UHMK1: variants seen among roughly 807,000 people sequenced by gnomAD.
UHMK1 encodes serine/threonine-protein kinase Kist.
A neutral mutation model predicts 44.0 loss-of-function variants in UHMK1; 18 were observed. That is an observed-to-expected ratio of 0.41 (90% CI 0.28 to 0.61). The LOEUF (loss-of-function observed/expected upper bound fraction) is 0.61, where lower values mean the gene tolerates loss of function less well. Among genes scored for constraint, UHMK1 ranks in the 20% least tolerant of loss-of-function variants. The pLI is 0.31. For synonymous variants in UHMK1, 231 were observed against 198.5 expected (o/e 1.16, Z -1.38); for missense variants, 463 against 522.5 (o/e 0.89, Z 1.11).
intron 6 of UHMK1, among the ~76,000 whole-genome samples, chr1:162,513,912 T>G (rs1054264594): frequency 2.6e-5 from 4 of 152,198 alleles, no homozygotes; most frequent in Non-Finnish European, 4.4e-5. Flanking sequence ...TACCTATCTG[T>G]TCTTTGTTGA....
rs1009480286 is a variant in UHMK1, at chr1:162,523,083, TGTA to T, written c.*537_*539del. 2 of 153,424 alleles carry T rather than the reference TGTA, an allele frequency of 1.3e-5. No individual in the cohort carries two copies. The highest frequency in any genetic ancestry group is 1.3e-4 in the Admixed American group (2 of 15,460). 9.5% of individuals were successfully genotyped at this position (153,424 alleles called of 1,614,324 possible). Reference sequence around the variant, plus strand: ...TGTGAATTTTTTCTTAAAGCAGTACTGTAGTACTGAATATTCCTTTAAAGGAAC... The same window carrying T: ...TGTGAATTTTTTCTTAAAGCAGTACTGTACTGAATATTCCTTTAAAGGAAC... On this transcript the variant is annotated 3_prime_UTR_variant, in exon 8 of 8. Coordinates refer to ENST00000489294, the MANE Select transcript of UHMK1 (RefSeq NM_175866.5).
intron 7 of UHMK1, among the ~76,000 whole-genome samples, chr1:162,520,063 G>A (rs1651998776): frequency 6.6e-6 from 1 of 152,074 alleles, no homozygotes; most frequent in Non-Finnish European, 1.5e-5. Context: ...ACCACACCTG[G>A]CTAATTTTTT....
Position 162,528,000 on chromosome 1 carries a change from A to T in UHMK1, c.*5450A>T, listed in dbSNP as rs953190972. The T allele has an allele frequency of 1.3e-5, 2 of 151,932 alleles. No homozygotes were observed. Among genetic ancestry groups the T allele is most frequent in the Non-Finnish European group, 2.9e-5 (2 of 67,920 alleles). 9.4% of individuals were successfully genotyped at this position (151,932 alleles called of 1,614,324 possible). A position where few individuals can be genotyped will look rare whatever the true frequency, so the allele number is the denominator to read the frequency against. On this transcript the variant is annotated 3_prime_UTR_variant, in exon 8 of 8. Transcript: ENST00000489294. ...CTTGTTACCATAAGCCCTTACTATCAACAAGATAATTATTTGTAATCACTT... is the reference window on the plus strand; with the variant it reads ...CTTGTTACCATAAGCCCTTACTATCTACAAGATAATTATTTGTAATCACTT...
intron 7 of UHMK1, 37 bp from the exon 8 acceptor site, chr1:162,522,367 G>GT: frequency 1.4e-5 from 22 of 1,609,908 alleles, no homozygotes; most frequent in Non-Finnish European, 1.9e-5. Flanking sequence ...AACAATCTTG[G>GT]TGGAAATGAA....
At position 162,528,054 on chromosome 1, in the gene UHMK1, C is replaced by G. The variant is rs1652310053; in HGVS notation, c.*5504C>G. ...TATCCCAGGTTGGAATTGCTTTCCC[C>G]TTCTAAGTTATCTTCCCTTAATAAT... On this transcript the variant is annotated 3_prime_UTR_variant, in exon 8 of 8. Coordinates refer to ENST00000489294, the MANE Select transcript of UHMK1 (RefSeq NM_175866.5). The G allele has an allele frequency of 6.6e-6, 1 of 151,922 alleles. No homozygotes were observed. The highest frequency in any genetic ancestry group is 2.4e-5 in the African/African-American group (1 of 41,382). 9.4% of individuals were successfully genotyped at this position (151,922 alleles called of 1,614,324 possible).
intron 4 of UHMK1, among the ~76,000 whole-genome samples, chr1:162,508,848 C>T (rs1158599307): frequency 1.3e-5 from 2 of 151,874 alleles, no homozygotes; most frequent in African/African-American, 4.8e-5. Context: ...ACTCTGTGAC[C>T]CAGGCTAGAG....
At chr1:162,516,046 C>A (rs936451444) in intron 6 of UHMK1, among the ~76,000 whole-genome samples, 9 of 151,180 alleles carry the variant, frequency 6.0e-5, no homozygotes, top group East Asian at 1.9e-4. Context: ...AAAAAAAAAA[C>A]AACAAAACTG....
intron 2 of UHMK1, 117 bp downstream of exon 2, chr1:162,500,364 C>T: frequency 1.7e-6 from 2 of 1,194,710 alleles, no homozygotes; most frequent in Non-Finnish European, 1.1e-6. Context: ...ACCTAAATTA[C>T]TGAAATGCCA....
In UHMK1 at chr1:162,522,903, T is replaced by G. The variant is rs1467323005; in HGVS notation, c.*353T>G. On this transcript the variant is annotated 3_prime_UTR_variant, in exon 8 of 8. Coordinates refer to ENST00000489294, the MANE Select transcript of UHMK1 (RefSeq NM_175866.5). ...TCATGTCTTGGTAAATACTAACAAATTTGTTAGGTTTGGTGACATCATTTA... is the reference window on the plus strand; with the variant it reads ...TCATGTCTTGGTAAATACTAACAAAGTTGTTAGGTTTGGTGACATCATTTA... The G allele has an allele frequency of 5.7e-6, 1 of 174,102 alleles. No individual in the cohort carries two copies. Among genetic ancestry groups the G allele is most frequent in the Admixed American group, 5.6e-5 (1 of 17,970 alleles). The allele number at this position is 174,102 out of a possible 1,614,324, so 10.8% of individuals were successfully genotyped here. A position where few individuals can be genotyped will look rare whatever the true frequency, so the allele number is the denominator to read the frequency against.
chr1:162,500,042 C>T lies in UHMK1; in HGVS notation c.356C>T (p.Ser119Leu), dbSNP rs146396685. 6.2e-6 allele frequency: 10 copies of T among 1,614,182 alleles called. No homozygotes were observed. Among genetic ancestry groups the T allele is most frequent in the African/African-American group, 5.3e-5 (4 of 75,038 alleles). ...LLLELLDVSV[S>L]ELLLYSSHQG... The stretch of plus-strand genomic sequence containing the variant: ...CTTGAACTCCTGGATGTCAGTGTTT[C>T]GGAATTGCTCTTATATTCCAGTCAC... The change falls in exon 2 of 8, where the codon TCG (serine) becomes TTG (leucine). Residue 119 changes from serine (S) to leucine (L), a missense_variant. Transcript: ENST00000489294.
At chr1:162,513,002 G>C (rs773257126) in intron 6 of UHMK1, 179 bp downstream of exon 6, 2 of 588,940 alleles carry the variant, frequency 3.4e-6, no homozygotes, top group Non-Finnish European at 5.7e-6. Context: ...GCCCAGGCTG[G>C]AGTGCAGTGG....
At chr1:162,502,730 GCATAGGCTCTAAAGT>G (rs1030741841) in intron 3 of UHMK1, among the ~76,000 whole-genome samples, 6 of 152,160 alleles carry the variant, frequency 3.9e-5, no homozygotes, top group Non-Finnish European at 8.8e-5. Flanking sequence ...CTGATTATGA[GCATAGGCTCTAAAGT>G]CAAGCTACTA....
Position 162,500,973 on chromosome 1 carries a change from T to C in UHMK1, c.622T>C (p.Leu208=). Residue 208 remains leucine, a synonymous_variant, in exon 3 of 8, where the codon TTG becomes CTG. Transcript: ENST00000489294. The part of the protein sequence containing the change: ...RAPEAELQNC[L]AQAGLQSDTE... ...TCCAGAAGCAGAATTGCAAAATTGC[T>C]TGGCCCAGGCTGGCCTGCAGAGTGA... 1 of 1,614,120 alleles carries C rather than the reference T, an allele frequency of 6.2e-7. No individual in the cohort carries two copies. The highest frequency in any genetic ancestry group is 8.5e-7 in the Non-Finnish European group (1 of 1,180,006).
chr1:162,512,624 A>G, intron 5 of UHMK1, 48 bp downstream of exon 5: 2 of 1,603,210 alleles, frequency 1.2e-6, no homozygotes, highest in Non-Finnish European at 1.7e-6. Flanking sequence ...TGACAGTCAT[A>G]CAAGACATCA....
At chr1:162,513,046 G>C in intron 6 of UHMK1, 1 of 395,722 alleles carries the variant, frequency 2.5e-6, no homozygotes, top group East Asian at 5.5e-5. Context: ...TCTGCCTCCT[G>C]GGTTCAAGCC....
chr1:162,507,022 T>A (rs1324591235), intron 4 of UHMK1, among the ~76,000 whole-genome samples: 2 of 152,200 alleles, frequency 1.3e-5, no homozygotes, highest in Non-Finnish European at 2.9e-5. Context: ...TTACAGTTTT[T>A]AAATATTTTT....
intron 4 of UHMK1, among the ~76,000 whole-genome samples, chr1:162,510,714 T>C (rs1301860706): frequency 5.9e-5 from 9 of 152,132 alleles, no homozygotes; most frequent in African/African-American, 2.2e-4. Flanking sequence ...ACTTATCTGT[T>C]AATAGATACT....
chr1:162,512,875 A>T (rs1448229961), intron 6 of UHMK1, 52 bp downstream of exon 6: 3 of 1,487,990 alleles, frequency 2.0e-6, no homozygotes, highest in Non-Finnish European at 2.8e-6. Flanking sequence ...ATAAGTCTAG[A>T]ATAAACATAT....
At chr1:162,517,517 CAT>C (rs1208976192) in intron 6 of UHMK1, among the ~76,000 whole-genome samples, 3 of 151,946 alleles carry the variant, frequency 2.0e-5, no homozygotes, top group Admixed American at 2.0e-4. Flanking sequence ...TCTTAAAGGA[CAT>C]ATTTAATATA....
Sources: allele counts gnomAD v4.1 joint callset (sites outside exome capture counted in the v4.1 genomes callset), GRCh38; gene constraint gnomAD v4.1.1; transcripts MANE v1.5; gene names NCBI Gene and HGNC (gene_info 2026-07-23, HGNC 2026-07-21).